PLPPR4: variants seen among roughly 807,000 people sequenced by gnomAD.
PLPPR4 encodes phospholipid phosphatase-related protein type 4.
In PLPPR4, 24 loss-of-function variants were observed where a neutral mutation model predicts 56.6. The observed-to-expected ratio is 0.42, with a 90% CI of 0.31 to 0.60. The LOEUF (loss-of-function observed/expected upper bound fraction) is 0.60, where lower values mean the gene tolerates loss of function less well. PLPPR4 is among the 20% of genes least tolerant of loss of function. The pLI, the probability that PLPPR4 is intolerant of heterozygous loss-of-function variation, is 0.13. For missense variants in PLPPR4, 654 were observed against 885.8 expected, an observed-to-expected ratio of 0.74 and a Z score of 3.32; for synonymous variants, 326 against 328.1, an observed-to-expected ratio of 0.99 and a Z score of 0.07.
chr1:99,276,840 G>A (rs565518776), intron 1 of PLPPR4, among the ~76,000 whole-genome samples: 30 of 152,168 alleles, frequency 2.0e-4, no homozygotes, highest in African/African-American at 7.2e-4. Flanking sequence ...TAGAAAACAA[G>A]AAGAAGTTAG....
chr1:99,264,039 T>A (rs1255014105), upstream of PLPPR4: 1 of 174,318 alleles, frequency 5.7e-6, no homozygotes, highest in Non-Finnish European at 1.2e-5. Flanking sequence ...TCTCATTTCG[T>A]GGAGGTAGGG....
At chr1:99,263,052 A>G (rs547982758), upstream of PLPPR4, among the ~76,000 whole-genome samples, 1 of 152,328 alleles carries the variant, frequency 6.6e-6, no homozygotes, top group Admixed American at 6.5e-5. Context: ...AATAAGAGTT[A>G]ATGTCATGAA....
At chr1:99,298,923 G>A (rs765460449) in intron 3 of PLPPR4, 112 bp from the exon 4 acceptor site, 55 of 812,376 alleles carry the variant, frequency 6.8e-5, no homozygotes, top group Middle Eastern at 6.1e-4. Flanking sequence ...AATCAACTTA[G>A]AGAAAATGAA....
At chr1:99,276,845 A>G (rs941805976) in intron 1 of PLPPR4, among the ~76,000 whole-genome samples, 2 of 152,186 alleles carry the variant, frequency 1.3e-5, no homozygotes, top group African/African-American at 4.8e-5. Flanking sequence ...AACAAGAAGA[A>G]GTTAGAACAA....
At chr1:99,295,645 G>T (rs576049356) in intron 2 of PLPPR4, among the ~76,000 whole-genome samples, 2 of 152,268 alleles carry the variant, frequency 1.3e-5, no homozygotes, top group East Asian at 3.9e-4. Flanking sequence ...ATATTTGAAA[G>T]ACTTTTTCAT....
intron 1 of PLPPR4, among the ~76,000 whole-genome samples, chr1:99,284,133 C>T (rs963660792): frequency 6.6e-6 from 1 of 152,080 alleles, no homozygotes; most frequent in African/African-American, 2.4e-5. Flanking sequence ...TTATTATGTG[C>T]ATATCAATTC....
upstream of PLPPR4, among the ~76,000 whole-genome samples, chr1:99,263,486 C>T (rs149819819): frequency 6.6e-6 from 1 of 152,144 alleles, no homozygotes; most frequent in African/African-American, 2.4e-5. Flanking sequence ...GGGAATTGGC[C>T]ATCACATGCT....
chr1:99,305,602 T>C, intron 6 of PLPPR4, 83 bp from the exon 7 acceptor site: 1 of 1,324,696 alleles, frequency 7.5e-7, no homozygotes, highest in East Asian at 2.3e-5. Context: ...TATACCTATG[T>C]ATGTACTTCA....
At chr1:99,285,494 A>G (rs1659441509) in intron 1 of PLPPR4, among the ~76,000 whole-genome samples, 1 of 152,170 alleles carries the variant, frequency 6.6e-6, no homozygotes, top group Admixed American at 6.5e-5. Flanking sequence ...AAATGATCAG[A>G]TATTTGAAGT....
intron 6 of PLPPR4, among the ~76,000 whole-genome samples, chr1:99,302,274 AT>A (rs1659898857): frequency 6.6e-6 from 1 of 152,026 alleles, no homozygotes. Flanking sequence ...CACACCACAA[AT>A]TTAGCACCTG....
At chr1:99,268,280 A>G (rs1280072872) in intron 1 of PLPPR4, among the ~76,000 whole-genome samples, 1 of 152,222 alleles carries the variant, frequency 6.6e-6, no homozygotes, top group Non-Finnish European at 1.5e-5. Context: ...TCCAAGCACA[A>G]AGAGTTGGAG....
At chr1:99,264,435 AG>A, upstream of PLPPR4, 1 of 1,467,526 alleles carries the variant, frequency 6.8e-7, no homozygotes, top group African/African-American at 1.4e-5. Context: ...GGCGGGGAGA[AG>A]GCGGGGGCGC....
rs751137571 is a variant in PLPPR4 at position 99,305,740 on chromosome 1, G to T, written c.878G>T (p.Arg293Ile). The T allele has an allele frequency of 6.2e-7, 1 of 1,614,036 alleles. No homozygotes were observed. Among genetic ancestry groups the T allele is most frequent in the South Asian group, 1.1e-5 (1 of 91,072 alleles). Residue 293 changes from arginine to isoleucine, a missense_variant, in exon 7 of 7, where the codon AGA becomes ATA. Around this residue, in one of 2 missense-constraint regions of PLPPR4, gnomAD observed 468 missense variants for 554.3 expected, o/e 0.84. Transcript: ENST00000370185. Reference sequence around the variant, plus strand: ...AGTGATGAGAGTATGTTTCAGCACAGAGACGCCCTCAGGTCTCTGACAGAC... The same window carrying T: ...AGTGATGAGAGTATGTTTCAGCACATAGACGCCCTCAGGTCTCTGACAGAC... The part of the protein sequence containing the change: ...LPSDESMFQH[R>I]DALRSLTDLN...
chr1:99,302,977 A>G (rs978578915), intron 6 of PLPPR4, among the ~76,000 whole-genome samples: 1 of 152,066 alleles, frequency 6.6e-6, no homozygotes, highest in Admixed American at 6.6e-5. Flanking sequence ...GAAGTTTACA[A>G]TGTAAAGACT....
intron 4 of PLPPR4, 32 bp downstream of exon 4, chr1:99,299,262 A>G: frequency 6.7e-7 from 1 of 1,487,122 alleles, no homozygotes; most frequent in Non-Finnish European, 9.4e-7. Flanking sequence ...ACTCTGCATC[A>G]TTGTTTTCAT....
intron 2 of PLPPR4, among the ~76,000 whole-genome samples, chr1:99,289,097 A>T (rs1659549739): frequency 6.6e-6 from 1 of 152,270 alleles, no homozygotes; most frequent in Non-Finnish European, 1.5e-5. Context: ...TGCCCCAAAA[A>T]TACTACCTAA....
At chr1:99,277,207 T>C (rs1411530942) in intron 1 of PLPPR4, among the ~76,000 whole-genome samples, 3 of 152,192 alleles carry the variant, frequency 2.0e-5, no homozygotes, top group African/African-American at 7.2e-5. Context: ...TTCAGGATCA[T>C]ACTGATAAAA....
At chr1:99,276,997 A>G (rs1659202841) in intron 1 of PLPPR4, among the ~76,000 whole-genome samples, 1 of 152,160 alleles carries the variant, frequency 6.6e-6, no homozygotes, top group South Asian at 2.1e-4. Flanking sequence ...TTTTTCTGCT[A>G]AAGCTTTGGC....
intron 1 of PLPPR4, among the ~76,000 whole-genome samples, chr1:99,285,543 G>T (rs1355707200): frequency 1.3e-5 from 2 of 151,996 alleles, no homozygotes; most frequent in South Asian, 2.1e-4. Flanking sequence ...AAATGTTTTT[G>T]ATATACTTTT....
Sources: gnomAD v4.1 joint callset for allele counts (sites outside exome capture counted in the v4.1 genomes callset) on GRCh38, gnomAD v4.1.1 for gene constraint, gnomAD v4.1.1 regional missense constraint, MANE v1.5 for transcripts, NCBI Gene and HGNC (gene_info 2026-07-23, HGNC 2026-07-21) for gene names.